Variants in CTNNA3 observed in about 807,000 individuals in gnomAD.
CTNNA3 encodes the protein catenin alpha-3.
In CTNNA3, 76 loss-of-function variants were observed where a neutral mutation model predicts 95.7. The observed-to-expected ratio is 0.79, with a 90% confidence interval of 0.66 to 0.96. The LOEUF is 0.96. CTNNA3 is among the 40% of genes least tolerant of loss of function. The pLI is 0.00. For missense variants in CTNNA3, 1,191 were observed against 1,089.8 expected (o/e 1.09, Z -1.31); for synonymous variants, 431 against 374.4 (o/e 1.15, Z -1.74).
intron 5 of CTNNA3, among the ~76,000 whole-genome samples, chr10:67,394,300 C>CAA (rs553742818): frequency 9.3e-5 from 12 of 128,752 alleles, no homozygotes; most frequent in South Asian, 2.4e-4. Flanking sequence ...GAATGAATAT[C>CAA]AAAAAAAAAA....
chr10:66,247,811 A>G (rs1424532003), intron 13 of CTNNA3, among the ~76,000 whole-genome samples: 1 of 152,224 alleles, frequency 6.6e-6, no homozygotes, highest in Non-Finnish European at 1.5e-5. Flanking sequence ...GAGGAATTTC[A>G]TCAACACCAG....
At position 67,564,049 on chromosome 10, in the gene CTNNA3, T is replaced by C. The variant is rs1160426559; in HGVS notation, c.293-24380A>G. 1.3e-5 allele frequency among the ~76,000 whole-genome samples: 2 copies of C among 149,382 alleles called. 1 individual carries two copies. The highest frequency in any genetic ancestry group is 3.8e-4 in the East Asian group (2 of 5,198). On this transcript the variant is annotated intron_variant, in intron 3 of 17. Transcript: ENST00000433211. The stretch of plus-strand genomic sequence containing the variant: ...AACACTTTAACACTGTTGGTGGGAC[T>C]GTAAACTAGTTCAACCATTGTCGAA...
intron 10 of CTNNA3, among the ~76,000 whole-genome samples, chr10:66,526,741 T>C (rs1271196865): frequency 1.3e-5 from 2 of 152,170 alleles, no homozygotes; most frequent in Admixed American, 6.6e-5. Flanking sequence ...TGACGAACTG[T>C]TTATCTTCTT....
intron 2 of CTNNA3, among the ~76,000 whole-genome samples, chr10:67,635,084 A>G (rs1839262151): frequency 6.6e-6 from 1 of 152,038 alleles, no homozygotes; most frequent in Non-Finnish European, 1.5e-5. Flanking sequence ...AAATGGATAA[A>G]CTCCTGGACA....
At chr10:66,535,817 C>A (rs1013437439) in intron 10 of CTNNA3, among the ~76,000 whole-genome samples, 2 of 152,058 alleles carry the variant, frequency 1.3e-5, no homozygotes, top group African/African-American at 4.8e-5. Flanking sequence ...TTCATAGAAT[C>A]ATGACCAGTT....
chr10:66,156,510 T>A (rs12413048), intron 13 of CTNNA3, among the ~76,000 whole-genome samples: 11,330 of 151,958 alleles, frequency 0.075, 530 homozygotes, highest in Admixed American at 0.12. Context: ...CAATTATAGA[T>A]GCTAGGAAAT....
At chr10:66,177,496 A>G (rs926671839) in intron 13 of CTNNA3, among the ~76,000 whole-genome samples, 1 of 152,020 alleles carries the variant, frequency 6.6e-6, no homozygotes, top group Non-Finnish European at 1.5e-5. Context: ...TTTTGAAAAA[A>G]AAGAGACCAA....
At chr10:66,453,059 CAA>C (rs36016734) in intron 11 of CTNNA3, among the ~76,000 whole-genome samples, 1 of 150,686 alleles carries the variant, frequency 6.6e-6, no homozygotes, top group Non-Finnish European at 1.5e-5. Flanking sequence ...ACTAAAAATA[CAA>C]AAAAAAATTG....
intron 6 of CTNNA3, among the ~76,000 whole-genome samples, chr10:67,197,091 T>C (rs937090435): frequency 6.6e-6 from 1 of 152,108 alleles, no homozygotes; most frequent in Admixed American, 6.6e-5. Flanking sequence ...TTTAAGTATA[T>C]TAAATCTTAA....
At chr10:67,303,097 G>A (rs181566672) in intron 5 of CTNNA3, among the ~76,000 whole-genome samples, 1 of 152,212 alleles carries the variant, frequency 6.6e-6, no homozygotes. Flanking sequence ...ATTCTAATGT[G>A]CACCAATGTT....
At chr10:67,155,811 T>A (rs578046323) in intron 7 of CTNNA3, among the ~76,000 whole-genome samples, 3 of 152,184 alleles carry the variant, frequency 2.0e-5, no homozygotes, top group Non-Finnish European at 4.4e-5. Flanking sequence ...CATTTGTTAC[T>A]GCGTTCAGAA....
intron 15 of CTNNA3, among the ~76,000 whole-genome samples, chr10:66,045,505 A>G (rs1052134609): frequency 2.0e-5 from 3 of 152,196 alleles, no homozygotes; most frequent in African/African-American, 7.2e-5. Context: ...ATGTAGAAAT[A>G]TATTTATTTA....
chr10:66,316,932 G>A (rs532944228), intron 12 of CTNNA3, among the ~76,000 whole-genome samples: 7 of 152,006 alleles, frequency 4.6e-5, no homozygotes, highest in South Asian at 2.1e-4. Context: ...TAGACAAAAC[G>A]TTTACTTAAA....
At chr10:67,725,959 T>A (rs953391945) in intron 1 of CTNNA3, among the ~76,000 whole-genome samples, 7 of 133,506 alleles carry the variant, frequency 5.2e-5, no homozygotes, top group African/African-American at 2.1e-4. Flanking sequence ...TATGTATATA[T>A]AATATATATG....
intron 5 of CTNNA3, among the ~76,000 whole-genome samples, chr10:67,274,637 G>A (rs1380140032): frequency 6.6e-6 from 1 of 151,996 alleles, no homozygotes; most frequent in Non-Finnish European, 1.5e-5. Flanking sequence ...AGACCAGCCT[G>A]GGCAATACAG....
intron 12 of CTNNA3, among the ~76,000 whole-genome samples, chr10:66,338,556 A>G (rs1048498644): frequency 6.6e-6 from 1 of 151,998 alleles, no homozygotes; most frequent in Non-Finnish European, 1.5e-5. Flanking sequence ...GATAGTAAAG[A>G]AAAAGCTGAA....
chr10:66,216,210 T>C (rs532914149), intron 13 of CTNNA3, among the ~76,000 whole-genome samples: 6 of 152,388 alleles, frequency 3.9e-5, no homozygotes, highest in African/African-American at 1.2e-4. Flanking sequence ...TGCTTTTCCC[T>C]TGGAAATCTG....
At chr10:66,531,306 C>T (rs1841457483) in intron 10 of CTNNA3, among the ~76,000 whole-genome samples, 1 of 152,138 alleles carries the variant, frequency 6.6e-6, no homozygotes. Flanking sequence ...CTCTCTGAGC[C>T]TCAATTTCCT....
rs771754627 is a variant in CTNNA3 at position 66,194,494 on chromosome 10, C to T, written c.1884+85976G>A. Among the ~76,000 whole-genome samples the T allele has an allele frequency of 9.5e-4, 144 of 152,200 alleles. 1 individual carries two copies. Among genetic ancestry groups the T allele is most frequent in the African/African-American group, 3.4e-3 (140 of 41,550 alleles). ...ACTTGGGAGGCTGAGGCATGAGAAT[C>T]GCTTGAACACTGGAGGTGGAGGTTG... On this transcript the variant is annotated intron_variant, in intron 13 of 17. Coordinates refer to ENST00000433211, the MANE Select transcript of CTNNA3 (RefSeq NM_013266.4).
Sources: gnomAD v4.1 joint callset for allele counts (sites outside exome capture counted in the v4.1 genomes callset) on GRCh38, gnomAD v4.1.1 for gene constraint, MANE v1.5 for transcripts, NCBI Gene and HGNC (gene_info 2026-07-23, HGNC 2026-07-21) for gene names.